Variants in RGPD4 observed in about 807,000 individuals in gnomAD.
The protein encoded by RGPD4 is RANBP2 like and GRIP domain containing 4, also known as ranBP2-like and GRIP domain-containing protein 4.
In RGPD4, 84 loss-of-function variants were observed where a neutral mutation model predicts 141.1. The ratio of observed to expected loss-of-function variants is 0.60; its 90% CI spans 0.50 to 0.71. RGPD4 has a LOEUF of 0.71. Ranked by LOEUF, RGPD4 falls within the 30% of genes least tolerant of loss-of-function variation. The pLI is 0.00. For missense variants in RGPD4, 918 were observed against 1,622.4 expected (o/e 0.57, Z 7.46); for synonymous variants, 298 against 566.8 (o/e 0.53, Z 6.74).
intron 17 of RGPD4, among the ~76,000 whole-genome samples, chr2:107,863,533 C>T (rs1573507861): frequency 6.7e-6 from 1 of 150,226 alleles, no homozygotes; most frequent in African/African-American, 2.5e-5. Context: ...CGCTCTGTTG[C>T]CCAGGCTGGA....
chr2:107,853,550 G>T (rs1682188294), intron 7 of RGPD4, among the ~76,000 whole-genome samples: 1 of 114,354 alleles, frequency 8.7e-6, no homozygotes, highest in Non-Finnish European at 1.8e-5. Context: ...TATCTACAAT[G>T]TGGCATTTCC....
intron 20 of RGPD4, among the ~76,000 whole-genome samples, chr2:107,874,062 G>A (rs377644651): frequency 0.048 from 6,993 of 146,220 alleles, 235 homozygotes; most frequent in Middle Eastern, 0.13. Flanking sequence ...ACCCTTGTTG[G>A]TTTGTTTTTT....
At chr2:107,834,533 G>A (rs1339662989) in intron 1 of RGPD4, among the ~76,000 whole-genome samples, 1 of 152,032 alleles carries the variant, frequency 6.6e-6, no homozygotes, top group Non-Finnish European at 1.5e-5. Context: ...CTCCCCACCC[G>A]CTAGTTACAT....
At chr2:107,845,094 G>A (rs1446057130) in intron 6 of RGPD4, among the ~76,000 whole-genome samples, 1 of 144,762 alleles carries the variant, frequency 6.9e-6, no homozygotes, top group Non-Finnish European at 1.5e-5. Context: ...AGGTTGGCAT[G>A]CAGTGGTGCA....
chr2:107,876,157 G>C (rs1328973935), intron 20 of RGPD4, among the ~76,000 whole-genome samples: 1 of 150,650 alleles, frequency 6.6e-6, no homozygotes, highest in Non-Finnish European at 1.5e-5. Context: ...TTTTTTATCA[G>C]TATGCTGTTT....
chr2:107,854,103 G>A (rs1360413690), intron 7 of RGPD4, among the ~76,000 whole-genome samples: 10 of 131,990 alleles, frequency 7.6e-5, no homozygotes, highest in Admixed American at 2.4e-4. Flanking sequence ...CACCCAGGCC[G>A]GAGTGCAATG....
intron 9 of RGPD4, among the ~76,000 whole-genome samples, chr2:107,858,905 ATTTTT>A: frequency 2.0e-5 from 1 of 49,252 alleles, no homozygotes; most frequent in African/African-American, 8.1e-5. Flanking sequence ...CATCACTACT[ATTTTT>A]ATTAAAATTT....
At chr2:107,857,859 G>A (rs1573498033) in intron 9 of RGPD4, among the ~76,000 whole-genome samples, 2 of 151,920 alleles carry the variant, frequency 1.3e-5, no homozygotes, top group East Asian at 3.9e-4. Flanking sequence ...GGGGGTGGTG[G>A]CATGTGCCTG....
In RGPD4 at chr2:107,838,890, G is replaced by A. The variant is rs374431780; in HGVS notation, c.331G>A (p.Asp111Asn). The change falls in exon 4 of 23, where the codon GAT becomes AAT. Residue 111 changes from aspartate to asparagine, a missense_variant. By Grantham distance (23) the Asp-to-Asn change is conservative. Coordinates refer to ENST00000408999, the MANE Select transcript of RGPD4 (RefSeq NM_182588.3). ...AELLCKNDVT[D>N]GRAKYWVERA... ...ATTGCTTTGTAAAAATGATGTTACT[G>A]ATGGAAGAGCAAAATACTGGGTGGA... The A allele has an allele frequency of 6.8e-6, 10 of 1,464,476 alleles. No homozygotes were observed. In the African/African-American group the frequency reaches 1.2e-4, roughly 18 times the overall value. The allele number at this position is 1,464,476 out of a possible 1,614,324, so 90.7% of individuals were successfully genotyped here. A position where few individuals can be genotyped will look rare whatever the true frequency, so the allele number is the denominator to read the frequency against.
chr2:107,873,477 G>A (rs1217481710), intron 20 of RGPD4, among the ~76,000 whole-genome samples: 5 of 146,740 alleles, frequency 3.4e-5, no homozygotes, highest in Admixed American at 6.9e-5. Flanking sequence ...AGGAGGTTGA[G>A]GCAGGAGGAT....
rs529927873 is a variant in RGPD4, at chr2:107,872,802, A to G, written c.4798A>G (p.Lys1600Glu). 2.6e-5 allele frequency: 42 copies of G among 1,610,532 alleles called. No individual in the cohort carries two copies. The South Asian group carries it at 4.1e-4, about 16-fold the overall frequency. ...TGGATCTGAAAGCAAAGTGGAACCT[A>G]AAAAATGTGAACTGTCAAAGAACTC... ...QSGSESKVEPKKCELSKNSDI... is the reference protein window; with the variant it reads ...QSGSESKVEPEKCELSKNSDI... Residue 1600 changes from lysine to glutamate, a missense_variant, in exon 20 of 23, where the codon AAA becomes GAA. Coordinates refer to ENST00000408999, the MANE Select transcript of RGPD4 (RefSeq NM_182588.3).
In RGPD4 at chr2:107,827,772, C is replaced by T. The variant is rs1189371509; in HGVS notation, c.72+687C>T. ...GCTCCTGACGGGCGCTGCTCCCTGG[C>T]GCGCTCTGTTGAGGCGGCGGCCTCG... On this transcript the variant is annotated intron_variant, in intron 1 of 22. Transcript: ENST00000408999. 1.8e-4 allele frequency among the ~76,000 whole-genome samples: 6 copies of T among 33,342 alleles called. 1 individual carries two copies. The East Asian group carries it at 2.3e-3, about 13-fold the overall frequency. The allele number at this position is 33,342 out of a possible 152,430, so 21.9% of individuals were successfully genotyped here. A position where few individuals can be genotyped will look rare whatever the true frequency, so the allele number is the denominator to read the frequency against.
rs1358150384 is a variant in RGPD4 at position 107,871,836 on chromosome 2, G to A, written c.3832G>A (p.Val1278Met). The A allele has an allele frequency of 7.4e-6, 12 of 1,611,606 alleles. No homozygotes were observed. The highest frequency in any genetic ancestry group is 2.3e-4 in the Middle Eastern group (1 of 4,430). Residue 1278 changes from valine to methionine, a missense_variant, in exon 20 of 23, where the codon GTG becomes ATG. Physicochemically the swap from Val to Met is conservative, Grantham distance 21. Coordinates refer to ENST00000408999, the MANE Select transcript of RGPD4 (RefSeq NM_182588.3). ...TGCTTCTCCATTGGCAAGTAGCCCT[G>A]TGAGAAAAAATCTTTTCCATTTTGG... is the stretch of plus-strand genomic sequence containing the variant. ...VHASPLASSP[V>M]RKNLFHFGES...
chr2:107,882,554 G>A (rs947307222), intron 21 of RGPD4, 118 bp from the exon 22 acceptor site: 1 of 774,174 alleles, frequency 1.3e-6, no homozygotes, highest in East Asian at 2.7e-5. Flanking sequence ...TTCCTTTATT[G>A]CCATATGGAG....
intron 21 of RGPD4, among the ~76,000 whole-genome samples, chr2:107,881,718 C>G (rs1675372447): frequency 6.6e-6 from 1 of 151,000 alleles, no homozygotes; most frequent in African/African-American, 2.5e-5. Context: ...AGTTCGCTAA[C>G]TTTCTTGCCT....
rs1682848557 is a variant in RGPD4, at chr2:107,869,898, C to CT, written c.2623dup (p.Ser875PhefsTer5). 6.9e-7 allele frequency: 1 copy of CT among 1,449,018 alleles called. No individual in the cohort carries two copies. Among genetic ancestry groups the CT allele is most frequent in the African/African-American group, 1.5e-5 (1 of 65,192 alleles). 89.8% of individuals were successfully genotyped at this position (1,449,018 alleles called of 1,614,324 possible). ...TTTTTTTTAGTTGCAACTACTGGCC[C>CT]TTCAGTATATTATAGTCAGTCACCA... On this transcript the variant is annotated frameshift_variant, in exon 19 of 23. Transcript: ENST00000408999. LOFTEE classifies it high-confidence loss of function.
intron 6 of RGPD4, among the ~76,000 whole-genome samples, chr2:107,845,640 C>T (rs909597862): frequency 2.6e-5 from 4 of 152,396 alleles, no homozygotes; most frequent in African/African-American, 9.6e-5. Flanking sequence ...CTTTGTTACC[C>T]GCCTTGTGAA....
In RGPD4 at chr2:107,829,654, G is replaced by A. The variant is rs1659896; in HGVS notation, c.72+2569G>A. On this transcript the variant is annotated intron_variant, in intron 1 of 22. Coordinates refer to ENST00000408999, the MANE Select transcript of RGPD4 (RefSeq NM_182588.3). The stretch of plus-strand genomic sequence containing the variant: ...CGGCTGGCGCAGTCCTGTGGGCGGC[G>A]TGGCACTTGCGAGCGCAGGAAGAGT... Among the ~76,000 whole-genome samples the A allele has an allele frequency of 6.6e-5, 10 of 151,820 alleles. No individual in the cohort carries two copies. The East Asian group carries it at 1.8e-3, about 27-fold the overall frequency.
At chr2:107,857,272 G>C (rs1260880509) in intron 9 of RGPD4, among the ~76,000 whole-genome samples, 3 of 151,586 alleles carry the variant, frequency 2.0e-5, no homozygotes, top group African/African-American at 7.3e-5. Flanking sequence ...CAAGTAGCGG[G>C]ATTACAAATG....
Sources: allele counts gnomAD v4.1 joint callset (sites outside exome capture counted in the v4.1 genomes callset), GRCh38; gene constraint gnomAD v4.1.1; transcripts MANE v1.5; gene names NCBI Gene and HGNC (gene_info 2026-07-23, HGNC 2026-07-21).